The following KCNQ5 variants were observed in gnomAD, a reference collection of about 807,000 sequenced individuals.
The protein encoded by KCNQ5 is potassium voltage-gated channel subfamily Q member 5.
In KCNQ5, 30 loss-of-function variants were observed where a neutral mutation model predicts 98.2. That is an observed-to-expected ratio of 0.31 (90% CI 0.23 to 0.41). The LOEUF (loss-of-function observed/expected upper bound fraction) is 0.41. Ranked by LOEUF, KCNQ5 falls within the 10% of genes least tolerant of loss-of-function variation. KCNQ5 has a pLI of 1.00. For synonymous variants in KCNQ5, 458 were observed against 449.4 expected (o/e 1.02, Z -0.24); for missense variants, 835 against 1,182.5 (o/e 0.71, Z 4.31).
At chr6:72,686,517 T>A (rs1767957395) in intron 1 of KCNQ5, among the ~76,000 whole-genome samples, 1 of 152,196 alleles carries the variant, frequency 6.6e-6, no homozygotes, top group African/African-American at 2.4e-5. Flanking sequence ...GATCCTTTTC[T>A]TATGTGTATG....
intron 1 of KCNQ5, among the ~76,000 whole-genome samples, chr6:72,898,150 T>C (rs954929340): frequency 1.3e-5 from 2 of 152,124 alleles, no homozygotes; most frequent in Non-Finnish European, 2.9e-5. Flanking sequence ...GTTTGTGTAA[T>C]GAGATTTTTT....
At chr6:72,718,833 C>A (rs1054308752) in intron 1 of KCNQ5, among the ~76,000 whole-genome samples, 2 of 152,158 alleles carry the variant, frequency 1.3e-5, no homozygotes, top group African/African-American at 4.8e-5. Flanking sequence ...ATGATAGTTT[C>A]TCCTCAGCTT....
At chr6:72,718,351 TG>T (rs1769759254) in intron 1 of KCNQ5, among the ~76,000 whole-genome samples, 1 of 152,060 alleles carries the variant, frequency 6.6e-6, no homozygotes, top group Admixed American at 6.5e-5. Context: ...CACCTGCAGT[TG>T]GTGGCATTAA....
intron 1 of KCNQ5, among the ~76,000 whole-genome samples, chr6:72,846,238 C>T (rs1777017343): frequency 6.6e-6 from 1 of 152,076 alleles, no homozygotes; most frequent in Non-Finnish European, 1.5e-5. Flanking sequence ...CAGAATAGGT[C>T]CCCTGGAACA....
chr6:73,068,253 A>G (rs9341401), intron 3 of KCNQ5, among the ~76,000 whole-genome samples: 147,147 of 152,250 alleles, frequency 0.97, 71,241 homozygotes, highest in Middle Eastern at 1. Flanking sequence ...CTGAGATTGC[A>G]CCATTGCCCT....
intron 1 of KCNQ5, among the ~76,000 whole-genome samples, chr6:72,795,630 T>C (rs1372215966): frequency 6.6e-6 from 1 of 152,158 alleles, no homozygotes; most frequent in East Asian, 1.9e-4. Context: ...CAGTGCAAAA[T>C]ACTAGGTGGG....
At chr6:72,733,223 G>A (rs79586764) in intron 1 of KCNQ5, among the ~76,000 whole-genome samples, 393 of 152,158 alleles carry the variant, frequency 2.6e-3, no homozygotes, top group African/African-American at 8.2e-3. Context: ...ACAACATTTA[G>A]GAACAGGAGG....
In KCNQ5 at chr6:72,769,096, C is replaced by T. The variant is rs866138881; in HGVS notation, c.398+146509C>T. Among the ~76,000 whole-genome samples, 32 of 152,130 alleles carry T rather than the reference C, an allele frequency of 2.1e-4. No individual in the cohort carries two copies. The Middle Eastern group carries it at 0.01, about 49-fold the overall frequency. On this transcript the variant is annotated intron_variant, in intron 1 of 13. Transcript: ENST00000370398. Reference sequence around the variant, plus strand: ...AGATACTTTGCTTTTCCTATTTCCACGTATGCAATGATCAGAAAAGGATAA... The same window carrying T: ...AGATACTTTGCTTTTCCTATTTCCATGTATGCAATGATCAGAAAAGGATAA...
At chr6:72,879,333 C>T (rs989808286) in intron 1 of KCNQ5, among the ~76,000 whole-genome samples, 2 of 152,144 alleles carry the variant, frequency 1.3e-5, no homozygotes, top group Non-Finnish European at 2.9e-5. Flanking sequence ...TAAGAAATCA[C>T]TCCTCTTCAT....
intron 1 of KCNQ5, among the ~76,000 whole-genome samples, chr6:72,662,476 G>A (rs1766580212): frequency 6.6e-6 from 1 of 151,930 alleles, no homozygotes; most frequent in Non-Finnish European, 1.5e-5. Context: ...ATGTGAATCA[G>A]CTACTAGACA....
chr6:72,870,645 C>G (rs1174977685), intron 1 of KCNQ5, among the ~76,000 whole-genome samples: 1 of 152,112 alleles, frequency 6.6e-6, no homozygotes, highest in Non-Finnish European at 1.5e-5. Context: ...AAATAGCATC[C>G]AAATACTTAA....
intron 1 of KCNQ5, among the ~76,000 whole-genome samples, chr6:72,695,965 T>C (rs956792644): frequency 1.3e-5 from 2 of 152,150 alleles, no homozygotes; most frequent in Non-Finnish European, 2.9e-5. Context: ...TTTGAGAGAT[T>C]CAGCCATATT....
chr6:72,700,229 T>C (rs1768727729), intron 1 of KCNQ5, among the ~76,000 whole-genome samples: 1 of 152,184 alleles, frequency 6.6e-6, no homozygotes, highest in African/African-American at 2.4e-5. Context: ...TCGGTTCTGT[T>C]TGGTTTTAGG....
intron 1 of KCNQ5, among the ~76,000 whole-genome samples, chr6:72,841,950 G>T (rs988901453): frequency 6.6e-6 from 1 of 152,128 alleles, no homozygotes; most frequent in Non-Finnish European, 1.5e-5. Context: ...TGGTTGTCAA[G>T]GGGTCCTTAA....
At chr6:72,898,370 C>T (rs1344003891) in intron 1 of KCNQ5, among the ~76,000 whole-genome samples, 1 of 152,146 alleles carries the variant, frequency 6.6e-6, no homozygotes, top group African/African-American at 2.4e-5. Flanking sequence ...GTTCCCCTCT[C>T]TGTGTCCCTG....
In KCNQ5 at chr6:72,835,182, C is replaced by T. The variant is rs547855913; in HGVS notation, c.399-168726C>T. 1.8e-4 allele frequency among the ~76,000 whole-genome samples: 27 copies of T among 152,190 alleles called. No individual in the cohort carries two copies. In the East Asian group the frequency reaches 2.7e-3, roughly 15 times the overall value. On this transcript the variant is annotated intron_variant, in intron 1 of 13. Transcript: ENST00000370398. Reference sequence around the variant, plus strand: ...TGGTTTCTTTCCTCCCCATCACTAACCATAGTGGCTATTGCTCGTATATTA... The same window carrying T: ...TGGTTTCTTTCCTCCCCATCACTAATCATAGTGGCTATTGCTCGTATATTA...
chr6:73,005,716 G>A (rs1180769268), intron 2 of KCNQ5, among the ~76,000 whole-genome samples: 1 of 152,200 alleles, frequency 6.6e-6, no homozygotes, highest in Non-Finnish European at 1.5e-5. Flanking sequence ...AGTCTTGAAT[G>A]CTTTCTGATT....
chr6:72,787,004 CAAAAAAAAA>C (rs1045803750), intron 1 of KCNQ5, among the ~76,000 whole-genome samples: 5,280 of 50,496 alleles, frequency 0.1, 372 homozygotes, highest in African/African-American at 0.27. Flanking sequence ...GACTCTGTCT[CAAAAAAAAA>C]AAAAAAAAAA....
chr6:72,632,536 A>G (rs1363400820), intron 1 of KCNQ5, among the ~76,000 whole-genome samples: 5 of 151,984 alleles, frequency 3.3e-5, no homozygotes, highest in African/African-American at 7.3e-5. Context: ...CCAGGTAGTG[A>G]GCATAGTACC....
Sources: allele counts gnomAD v4.1 joint callset (sites outside exome capture counted in the v4.1 genomes callset), GRCh38; gene constraint gnomAD v4.1.1; transcripts MANE v1.5; gene names NCBI Gene and HGNC (gene_info 2026-07-23, HGNC 2026-07-21).